Variants in MAN1A2 observed in about 807,000 individuals in gnomAD.
MAN1A2 encodes the protein mannosyl-oligosaccharide 1,2-alpha-mannosidase IB.
A neutral mutation model predicts 75.7 loss-of-function variants in MAN1A2; 26 were observed. The ratio of observed to expected loss-of-function variants is 0.34; its 90% CI spans 0.25 to 0.48. MAN1A2 has a LOEUF of 0.48. Among genes scored for constraint, MAN1A2 ranks in the 20% least tolerant of loss-of-function variants. The probability of loss-of-function intolerance (pLI) is 0.99; values close to 1 mark genes in which losing one functional copy is unlikely to be tolerated. For missense variants in MAN1A2, 562 were observed against 775.5 expected (o/e 0.72, Z 3.27); for synonymous variants, 247 against 264.6 (o/e 0.93, Z 0.65).
intron 12 of MAN1A2, among the ~76,000 whole-genome samples, chr1:117,507,137 G>A (rs1651399172): frequency 6.6e-6 from 1 of 151,510 alleles, no homozygotes; most frequent in South Asian, 2.1e-4. Flanking sequence ...TATGTTTCCA[G>A]CTTGAAAGAC....
chr1:117,489,383 C>T (rs1384518450), intron 8 of MAN1A2, among the ~76,000 whole-genome samples: 1 of 151,998 alleles, frequency 6.6e-6, no homozygotes, highest in Non-Finnish European at 1.5e-5. Flanking sequence ...GTTCACTGAT[C>T]TAATGGACAA....
chr1:117,439,429 A>G (rs151083152), intron 5 of MAN1A2, among the ~76,000 whole-genome samples: 2 of 152,288 alleles, frequency 1.3e-5, no homozygotes, highest in Non-Finnish European at 2.9e-5. Flanking sequence ...AGAAGCATAT[A>G]TAGATCCTAA....
intron 1 of MAN1A2, among the ~76,000 whole-genome samples, chr1:117,388,695 A>G (rs1248140866): frequency 1.3e-5 from 2 of 152,132 alleles, no homozygotes; most frequent in African/African-American, 4.8e-5. Flanking sequence ...CACCTCCCCA[A>G]CACTGGGGAT....
intron 1 of MAN1A2, among the ~76,000 whole-genome samples, chr1:117,376,675 T>G (rs1030452736): frequency 6.6e-6 from 1 of 152,220 alleles, no homozygotes; most frequent in Non-Finnish European, 1.5e-5. Context: ...TAACATTGTG[T>G]GAAGTTGAGA....
Position 117,442,265 on chromosome 1 carries a change from A to G in MAN1A2, c.890A>G (p.Lys297Arg), listed in dbSNP as rs1649061974. 1 of 1,612,296 alleles carries G rather than the reference A, an allele frequency of 6.2e-7. No homozygotes were observed. Among genetic ancestry groups the G allele is most frequent in the African/African-American group, 1.3e-5 (1 of 74,890 alleles). ...ATTAAAGCAGTGCAATTGGCTGAGA[A>G]ACTCCTTCCTGCCTTTAACACACCT... ...FKIKAVQLAE[K>R]LLPAFNTPTG... Residue 297 changes from lysine to arginine, a missense_variant, in exon 6 of 13, where the codon AAA becomes AGA. Physicochemically the swap from Lys to Arg is conservative, Grantham distance 26 (BLOSUM62 2). Transcript: ENST00000356554.
At chr1:117,455,681 A>T (rs1282126952) in intron 6 of MAN1A2, among the ~76,000 whole-genome samples, 1 of 152,122 alleles carries the variant, frequency 6.6e-6, no homozygotes, top group Non-Finnish European at 1.5e-5. Flanking sequence ...AATGTAATAG[A>T]CAACTCAAAT....
intron 8 of MAN1A2, among the ~76,000 whole-genome samples, chr1:117,477,548 C>T (rs1038943257): frequency 6.6e-6 from 1 of 151,990 alleles, no homozygotes; most frequent in Non-Finnish European, 1.5e-5. Flanking sequence ...ACGTGATTAT[C>T]TCAATAGATG....
chr1:117,424,543 T>TTTTGCTCATGACTTGGGAAGGAGTGCA (rs1648304312), intron 5 of MAN1A2, among the ~76,000 whole-genome samples: 1 of 152,148 alleles, frequency 6.6e-6, no homozygotes, highest in Non-Finnish European at 1.5e-5. Context: ...GAGGGAGAGC[T>TTTTGCTCATGACTTGGGAAGGAGTGCA]TTTGCTCATG....
chr1:117,517,676 A>C (rs1387113153), intron 12 of MAN1A2, among the ~76,000 whole-genome samples: 1 of 152,074 alleles, frequency 6.6e-6, no homozygotes, highest in Non-Finnish European at 1.5e-5. Flanking sequence ...AAAATACATG[A>C]ACTTAGAATC....
chr1:117,460,794 A>G (rs949132812), intron 7 of MAN1A2, among the ~76,000 whole-genome samples, 182 bp downstream of exon 7: 3 of 152,194 alleles, frequency 2.0e-5, no homozygotes, highest in African/African-American at 7.2e-5. Flanking sequence ...CATATTTAAA[A>G]TATGTATTGT....
At chr1:117,444,036 A>T (rs975078575) in intron 6 of MAN1A2, among the ~76,000 whole-genome samples, 4 of 152,086 alleles carry the variant, frequency 2.6e-5, no homozygotes, top group African/African-American at 9.7e-5. Context: ...CTACAATATG[A>T]TACAGCAGAC....
intron 8 of MAN1A2, among the ~76,000 whole-genome samples, chr1:117,472,741 G>C (rs1340094875): frequency 6.6e-6 from 1 of 151,882 alleles, no homozygotes; most frequent in East Asian, 1.9e-4. Flanking sequence ...GAGCAAGCTT[G>C]CCCAACCCAG....
At chr1:117,405,783 C>G (rs1570717104) in intron 3 of MAN1A2, 138 bp downstream of exon 3, 1 of 673,152 alleles carries the variant, frequency 1.5e-6, no homozygotes, top group African/African-American at 1.8e-5. Context: ...TGATTTTTTG[C>G]AAGTGTCAGT....
At chr1:117,478,237 A>G (rs1650382371) in intron 8 of MAN1A2, among the ~76,000 whole-genome samples, 1 of 151,942 alleles carries the variant, frequency 6.6e-6, no homozygotes, top group African/African-American at 2.4e-5. Flanking sequence ...TCTTTGATGA[A>G]TTATCTGATC....
At chr1:117,425,742 ATTCTTT>A (rs1648347450) in intron 5 of MAN1A2, among the ~76,000 whole-genome samples, 1 of 152,146 alleles carries the variant, frequency 6.6e-6, no homozygotes, top group Non-Finnish European at 1.5e-5. Flanking sequence ...AGCTAACAAT[ATTCTTT>A]TTATCTTTTT....
Position 117,505,336 on chromosome 1 carries a change from A to G in MAN1A2, c.1793+2366A>G, listed in dbSNP as rs77467431. ...GTACATGCATGGCATAGGGCTGGAA[A>G]TAGATGGTATGCTGCCTCATCCCCT... On this transcript the variant is annotated intron_variant, in intron 12 of 12. Transcript: ENST00000356554. Among the ~76,000 whole-genome samples, 156 of 151,482 alleles carry G rather than the reference A, an allele frequency of 1.0e-3. 3 individuals are homozygous for G. In the East Asian group the frequency reaches 0.022, roughly 21 times the overall value.
chr1:117,485,673 T>C (rs754485806), intron 8 of MAN1A2, among the ~76,000 whole-genome samples: 5 of 152,006 alleles, frequency 3.3e-5, no homozygotes, highest in Non-Finnish European at 7.4e-5. Context: ...CTACCTGAAA[T>C]CCTTATGTTC....
Position 117,455,554 on chromosome 1 carries a change from A to G in MAN1A2, c.951-4935A>G, listed in dbSNP as rs10923304. ...CTACACTTGGCTGAGGGGCTGTGTAATAACAAAAAATAACATTACCTTATA... is the reference window on the plus strand; with the variant it reads ...CTACACTTGGCTGAGGGGCTGTGTAGTAACAAAAAATAACATTACCTTATA... On this transcript the variant is annotated intron_variant, in intron 6 of 12. Transcript: ENST00000356554. 7.8e-3 allele frequency among the ~76,000 whole-genome samples: 1,193 copies of G among 152,244 alleles called. 12 individuals carry two copies. The highest frequency in any genetic ancestry group is 0.027 in the African/African-American group (1,121 of 41,554).
At chr1:117,390,478 T>C (rs139795199) in intron 1 of MAN1A2, among the ~76,000 whole-genome samples, 1 of 152,012 alleles carries the variant, frequency 6.6e-6, no homozygotes, top group Non-Finnish European at 1.5e-5. Context: ...CTCTCATTGC[T>C]GATATTGGTA....
Sources: gnomAD v4.1 joint callset for allele counts (sites outside exome capture counted in the v4.1 genomes callset) on GRCh38, gnomAD v4.1.1 for gene constraint, MANE v1.5 for transcripts, NCBI Gene and HGNC (gene_info 2026-07-23, HGNC 2026-07-21) for gene names.